Variants in DRD5 observed in about 807,000 individuals in gnomAD.
DRD5 encodes the protein dopamine receptor D5.
For synonymous variants in DRD5, 327 were observed against 277.1 expected (o/e 1.18, Z -1.79); for missense variants, 758 against 657.8 (o/e 1.15, Z -1.67).
rs562881679 is a variant in DRD5, at chr4:9,783,722, T to C, written c.*259T>C. The C allele has an allele frequency of 1.7e-4, 69 of 407,822 alleles. No individual in the cohort carries two copies. Among genetic ancestry groups the C allele is most frequent in the Non-Finnish European group, 1.8e-4 (40 of 221,096 alleles). The allele number at this position is 407,822 out of a possible 1,614,324, so 25.3% of individuals were successfully genotyped here. On this transcript the variant is annotated 3_prime_UTR_variant, in exon 1 of 1. Transcript: ENST00000304374. ...CCTATGAGAGAAGAGAGTATGGTGCTGGGTCCTTAAAAAAAAAAATGATAC... is the reference window on the plus strand; with the variant it reads ...CCTATGAGAGAAGAGAGTATGGTGCCGGGTCCTTAAAAAAAAAAATGATAC...
Position 9,783,062 on chromosome 4 carries a change from G to A in DRD5, c.1033G>A (p.Val345Ile), listed in dbSNP as rs564839002. The A allele has an allele frequency of 1.9e-5, 31 of 1,614,206 alleles. No homozygotes were observed. The African/African-American group carries it at 3.7e-4, about 19-fold the overall frequency. The change falls in exon 1 of 1, where the codon GTC (valine) becomes ATC (isoleucine). Residue 345 changes from valine (V) to isoleucine (I), a missense_variant. Physicochemically the swap from Val to Ile is conservative, Grantham distance 29. Transcript: ENST00000304374. ...CVSETTFDVF[V>I]WFGWANSSLN... ...CAGTGAGACCACCTTCGACGTCTTC[G>A]TCTGGTTCGGCTGGGCTAACTCCTC...
chr4:9,782,026 C>A lies in DRD5; in HGVS notation c.-4C>A. ...CACAGACCGCCCCTGCAGTCCAGCCCGAAATGCTGCCGCCAGGCAGCAACG... is the reference window on the plus strand; with the variant it reads ...CACAGACCGCCCCTGCAGTCCAGCCAGAAATGCTGCCGCCAGGCAGCAACG... On this transcript the variant is annotated 5_prime_UTR_variant, in exon 1 of 1. Coordinates refer to ENST00000304374, the MANE Select transcript of DRD5 (RefSeq NM_000798.5). 4 of 1,459,542 alleles carry A rather than the reference C, an allele frequency of 2.7e-6. No individual in the cohort carries two copies. The highest frequency in any genetic ancestry group is 2.4e-5 in the East Asian group (1 of 40,884). 90.4% of individuals were successfully genotyped at this position (1,459,542 alleles called of 1,614,324 possible). A position where few individuals can be genotyped will look rare whatever the true frequency, so the allele number is the denominator to read the frequency against.
chr4:9,782,225 G>C lies in DRD5; in HGVS notation c.196G>C (p.Val66Leu). 1.2e-6 allele frequency: 2 copies of C among 1,612,968 alleles called. No individual in the cohort carries two copies. The highest frequency in any genetic ancestry group is 8.5e-7 in the Non-Finnish European group (1 of 1,179,722). Residue 66 changes from valine to leucine, a missense_variant, in exon 1 of 1, where the codon GTG becomes CTG. Physicochemically the swap from Val to Leu is conservative, Grantham distance 32. Coordinates refer to ENST00000304374, the MANE Select transcript of DRD5 (RefSeq NM_000798.5). The part of the protein sequence containing the change: ...LGNVLVCAAI[V>L]RSRHLRANMT... ...CAACGTGCTGGTGTGCGCAGCCATC[G>C]TGCGGAGCCGCCACCTGCGCGCCAA...
Position 9,783,352 on chromosome 4 carries a change from T to G in DRD5, c.1323T>G (p.Tyr441Ter), listed in dbSNP as rs533730716. Residue 441 changes from tyrosine to a stop codon, truncating the protein, a stop_gained, in exon 1 of 1, where the codon TAT (tyrosine) becomes TAG (stop). Transcript: ENST00000304374. LOFTEE classifies it low-confidence loss of function (END_TRUNC). ...CTTTCGATCGCATGTTCCAGATCTA[T>G]CAGACGTCCCCAGATGGTGACCCTG... ...EGPFDRMFQI[Y>*]QTSPDGDPVA... 4 of 1,614,230 alleles carry G rather than the reference T, an allele frequency of 2.5e-6. No homozygotes were observed. In the Admixed American group the frequency reaches 5.0e-5, roughly 20 times the overall value.
At position 9,782,308 on chromosome 4, in the gene DRD5, G is replaced by C; in HGVS notation, c.279G>C (p.Leu93=). 1.9e-6 allele frequency: 3 copies of C among 1,614,016 alleles called. No homozygotes were observed. The highest frequency in any genetic ancestry group is 2.5e-6 in the Non-Finnish European group (3 of 1,179,878). The part of the protein sequence containing the change: ...LAVSDLFVAL[L]VMPWKAVAEV... Reference sequence around the variant, plus strand: ...TGTCAGACCTTTTCGTGGCGCTGCTGGTCATGCCCTGGAAGGCAGTCGCCG... The same window carrying C: ...TGTCAGACCTTTTCGTGGCGCTGCTCGTCATGCCCTGGAAGGCAGTCGCCG... Residue 93 remains leucine (L), a synonymous_variant, in exon 1 of 1, where the codon CTG becomes CTC. Transcript: ENST00000304374.
rs773496060 is a variant in DRD5 at position 9,783,043 on chromosome 4, G to A, written c.1014G>A (p.Glu338=). The A allele has an allele frequency of 1.9e-6, 3 of 1,614,074 alleles. No individual in the cohort carries two copies. The highest frequency in any genetic ancestry group is 3.3e-5 in the Admixed American group (2 of 60,012). Reference sequence around the variant, plus strand: ...CGGCCGGCTTCCCCTGCGTCAGTGAGACCACCTTCGACGTCTTCGTCTGGT... The same window carrying A: ...CGGCCGGCTTCCCCTGCGTCAGTGAAACCACCTTCGACGTCTTCGTCTGGT... ...GPPAGFPCVS[E]TTFDVFVWFG... Residue 338 remains glutamate (E), a synonymous_variant, in exon 1 of 1, where the codon GAG becomes GAA. Coordinates refer to ENST00000304374, the MANE Select transcript of DRD5 (RefSeq NM_000798.5).
At position 9,783,453 on chromosome 4, in the gene DRD5, G is replaced by T. The variant is rs753931613; in HGVS notation, c.1424G>T (p.Gly475Val). The T allele has an allele frequency of 6.2e-7, 1 of 1,606,940 alleles. No individual in the cohort carries two copies. Among genetic ancestry groups the T allele is most frequent in the East Asian group, 2.2e-5 (1 of 44,788 alleles). ...LDKITPFTPN[G>V]FH is the part of the protein sequence containing the mutation. ...AAAATAACACCTTTCACCCCGAATG[G>T]ATTCCATTAAACTGCATTAAGAAAC... Residue 475 changes from glycine to valine, a missense_variant, in exon 1 of 1, where the codon GGA (glycine) becomes GTA (valine). Transcript: ENST00000304374.
At position 9,782,404 on chromosome 4, in the gene DRD5, T is replaced by C. The variant is rs2227841; in HGVS notation, c.375T>C (p.Thr125=). The C allele has an allele frequency of 2.3e-5, 37 of 1,614,042 alleles. No individual in the cohort carries two copies. The African/African-American group carries it at 4.1e-4, about 18-fold the overall frequency. The change falls in exon 1 of 1, where the codon ACT becomes ACC. Residue 125 remains threonine (T), a synonymous_variant. Transcript: ENST00000304374. ...TGGCCTTCGACATCATGTGCTCCAC[T>C]GCCTCCATCCTGAACCTGTGCGTCA... is the stretch of plus-strand genomic sequence containing the variant. The part of the protein sequence containing the change: ...VWVAFDIMCS[T]ASILNLCVIS...
Position 9,782,330 on chromosome 4 carries a change from G to A in DRD5, c.301G>A (p.Ala101Thr), listed in dbSNP as rs147038465. 1.9e-6 allele frequency: 3 copies of A among 1,613,932 alleles called. No homozygotes were observed. The highest frequency in any genetic ancestry group is 1.6e-4 in the Middle Eastern group (1 of 6,072). Residue 101 changes from alanine to threonine, a missense_variant, in exon 1 of 1, where the codon GCC becomes ACC. Transcript: ENST00000304374. The part of the protein sequence containing the change: ...ALLVMPWKAV[A>T]EVAGYWPFGA... Reference sequence around the variant, plus strand: ...GCTGGTCATGCCCTGGAAGGCAGTCGCCGAGGTGGCCGGTTACTGGCCCTT... The same window carrying A: ...GCTGGTCATGCCCTGGAAGGCAGTCACCGAGGTGGCCGGTTACTGGCCCTT...
In DRD5 at chr4:9,783,072, G is replaced by T; in HGVS notation, c.1043G>T (p.Gly348Val). 6.2e-7 allele frequency: 1 copy of T among 1,614,194 alleles called. No homozygotes were observed. Among genetic ancestry groups the T allele is most frequent in the African/African-American group, 1.3e-5 (1 of 75,050 alleles). Residue 348 changes from glycine (G) to valine (V), a missense_variant, in exon 1 of 1, where the codon GGC (glycine) becomes GTC (valine). Gly to Val is a moderately radical substitution (Grantham distance 109, BLOSUM62 -3). Coordinates refer to ENST00000304374, the MANE Select transcript of DRD5 (RefSeq NM_000798.5). The stretch of plus-strand genomic sequence containing the variant: ...ACCTTCGACGTCTTCGTCTGGTTCG[G>T]CTGGGCTAACTCCTCACTCAACCCC... ...ETTFDVFVWF[G>V]WANSSLNPVI...
Position 9,783,704 on chromosome 4 carries a change from G to A in DRD5, c.*241G>A. 4 of 517,062 alleles carry A rather than the reference G, an allele frequency of 7.7e-6. No homozygotes were observed. In the South Asian group the frequency reaches 1.2e-4, roughly 16 times the overall value. 32.0% of individuals were successfully genotyped at this position (517,062 alleles called of 1,614,324 possible). A position where few individuals can be genotyped will look rare whatever the true frequency, so the allele number is the denominator to read the frequency against. On this transcript the variant is annotated 3_prime_UTR_variant, in exon 1 of 1. Coordinates refer to ENST00000304374, the MANE Select transcript of DRD5 (RefSeq NM_000798.5). Reference sequence around the variant, plus strand: ...CAGAGATGGACCAACGATCCTATGAGAGAAGAGAGTATGGTGCTGGGTCCT... The same window carrying A: ...CAGAGATGGACCAACGATCCTATGAAAGAAGAGAGTATGGTGCTGGGTCCT...
In DRD5 at chr4:9,782,825, G is replaced by A. The variant is rs371407561; in HGVS notation, c.796G>A (p.Ala266Thr). 1.2e-6 allele frequency: 2 copies of A among 1,613,278 alleles called. No homozygotes were observed. The highest frequency in any genetic ancestry group is 2.2e-5 in the East Asian group (1 of 44,868). Residue 266 changes from alanine (A) to threonine (T), a missense_variant, in exon 1 of 1, where the codon GCA becomes ACA. Transcript: ENST00000304374. The part of the protein sequence containing the change: ...IRRISSLERA[A>T]EHAQSCRSSA... Reference sequence around the variant, plus strand: ...CAGGATTTCCTCCCTGGAGAGGGCCGCAGAGCACGCGCAGAGCTGCCGGAG... The same window carrying A: ...CAGGATTTCCTCCCTGGAGAGGGCCACAGAGCACGCGCAGAGCTGCCGGAG...
chr4:9,783,003 A>C lies in DRD5; in HGVS notation c.974A>C (p.His325Pro). Residue 325 changes from histidine (H) to proline (P), a missense_variant, in exon 1 of 1, where the codon CAC becomes CCC. His to Pro is a moderately conservative substitution (Grantham distance 77, BLOSUM62 -2). Coordinates refer to ENST00000304374, the MANE Select transcript of DRD5 (RefSeq NM_000798.5). ...LNCMVPFCSG[H>P]PEGPPAGFPC... ...TGCATGGTCCCTTTCTGCAGTGGAC[A>C]CCCCGAAGGCCCTCCGGCCGGCTTC... is the stretch of plus-strand genomic sequence containing the variant. 6.2e-7 allele frequency: 1 copy of C among 1,614,120 alleles called. No individual in the cohort carries two copies. Among genetic ancestry groups the C allele is most frequent in the Non-Finnish European group, 8.5e-7 (1 of 1,180,018 alleles).
Position 9,783,143 on chromosome 4 carries a change from C to T in DRD5, c.1114C>T (p.Leu372=). 6.2e-7 allele frequency: 1 copy of T among 1,614,268 alleles called. No individual in the cohort carries two copies. Among genetic ancestry groups the T allele is most frequent in the Non-Finnish European group, 8.5e-7 (1 of 1,180,050 alleles). The change falls in exon 1 of 1, where the codon CTG becomes TTG. Residue 372 remains leucine (L), a synonymous_variant. Transcript: ENST00000304374. ...CGACTTTCAGAAGGTGTTTGCCCAG[C>T]TGCTGGGGTGCAGCCACTTCTGCTC... ...NADFQKVFAQ[L]LGCSHFCSRT... is the part of the protein sequence containing the mutation.
In DRD5 at chr4:9,783,846, T is replaced by G. The variant is rs1217026141; in HGVS notation, c.*383T>G. On this transcript the variant is annotated 3_prime_UTR_variant, in exon 1 of 1. Coordinates refer to ENST00000304374, the MANE Select transcript of DRD5 (RefSeq NM_000798.5). Reference sequence around the variant, plus strand: ...ATTGATTTTTAAACAGCAGGTTGTGTGTGTGTGCAGTGATGTGGTGGGAGC... The same window carrying G: ...ATTGATTTTTAAACAGCAGGTTGTGGGTGTGTGCAGTGATGTGGTGGGAGC... 4.7e-6 allele frequency: 1 copy of G among 211,296 alleles called. No homozygotes were observed. The highest frequency in any genetic ancestry group is 1.0e-5 in the Non-Finnish European group (1 of 95,650). 13.1% of individuals were successfully genotyped at this position (211,296 alleles called of 1,614,324 possible). A position where few individuals can be genotyped will look rare whatever the true frequency, so the allele number is the denominator to read the frequency against.
chr4:9,783,230 G>A lies in DRD5; in HGVS notation c.1201G>A (p.Val401Ile), dbSNP rs376053096. ...NELISYNQDI[V>I]FHKEIAAAYI... ...GCTCATCTCCTACAACCAAGACATC[G>A]TCTTCCACAAGGAAATCGCAGCTGC... The change falls in exon 1 of 1, where the codon GTC becomes ATC. Residue 401 changes from valine (V) to isoleucine (I), a missense_variant. Coordinates refer to ENST00000304374, the MANE Select transcript of DRD5 (RefSeq NM_000798.5). The A allele has an allele frequency of 1.9e-6, 3 of 1,614,160 alleles. No individual in the cohort carries two copies. The highest frequency in any genetic ancestry group is 1.6e-4 in the Middle Eastern group (1 of 6,062).
chr4:9,782,166 T>C lies in DRD5; in HGVS notation c.137T>C (p.Leu46Pro), dbSNP rs757728622. The change falls in exon 1 of 1, where the codon CTG becomes CCG. Residue 46 changes from leucine to proline, a missense_variant. Physicochemically the swap from Leu to Pro is moderately conservative, Grantham distance 98. Transcript: ENST00000304374. Reference protein sequence around the residue: ...LGPSQVVTACLLTLLIIWTLL... With the variant: ...LGPSQVVTACPLTLLIIWTLL... ...CCCTCACAGGTGGTCACCGCCTGCC[T>C]GCTGACCCTACTCATCATCTGGACC... 14 of 1,594,310 alleles carry C rather than the reference T, an allele frequency of 8.8e-6. No individual in the cohort carries two copies. The highest frequency in any genetic ancestry group is 1.0e-5 in the Non-Finnish European group (12 of 1,169,896).
rs757198240 is a variant in DRD5 at position 9,782,034 on chromosome 4, T to C, written c.5T>C (p.Leu2Pro). 2.7e-6 allele frequency: 4 copies of C among 1,455,082 alleles called. No homozygotes were observed. In the South Asian group the frequency reaches 5.7e-5, roughly 21 times the overall value. The allele number at this position is 1,455,082 out of a possible 1,614,324, so 90.1% of individuals were successfully genotyped here. M[L>P]PPGSNGTAYP... ...GCCCCTGCAGTCCAGCCCGAAATGC[T>C]GCCGCCAGGCAGCAACGGCACCGCG... The change falls in exon 1 of 1, where the codon CTG (leucine) becomes CCG (proline). Residue 2 changes from leucine (L) to proline (P), a missense_variant. By Grantham distance (98) the Leu-to-Pro change is moderately conservative (BLOSUM62 -3). Transcript: ENST00000304374.
chr4:9,782,129 C>G lies in DRD5; in HGVS notation c.100C>G (p.Pro34Ala). 1 of 1,551,942 alleles carries G rather than the reference C, an allele frequency of 6.4e-7. No individual in the cohort carries two copies. The change falls in exon 1 of 1, where the codon CCG (proline) becomes GCG (alanine). Residue 34 changes from proline (P) to alanine (A), a missense_variant. Pro to Ala is a conservative substitution (Grantham distance 27). Transcript: ENST00000304374. ...GNAVGGSAGAPPLGPSQVVTA... is the reference protein window; with the variant it reads ...GNAVGGSAGAAPLGPSQVVTA... ...CGCCGTGGGGGGCTCGGCGGGGGCA[C>G]CGCCACTGGGGCCCTCACAGGTGGT...
Sources: gnomAD v4.1 joint callset for allele counts on GRCh38, gnomAD v4.1.1 for gene constraint, MANE v1.5 for transcripts, NCBI Gene and HGNC (gene_info 2026-07-23, HGNC 2026-07-21) for gene names.